The following NPHP4 variants were observed in gnomAD, a reference collection of about 807,000 sequenced individuals.
The protein encoded by NPHP4 is nephrocystin-4.
Under a neutral mutation model 155.8 loss-of-function variants are expected in NPHP4, and 151 were observed. The observed-to-expected ratio is 0.97, with a 90% CI of 0.85 to 1.11. NPHP4 has a LOEUF of 1.11. Ranked by LOEUF, NPHP4 falls within the 50% of genes least tolerant of loss-of-function variation. The pLI, the probability that NPHP4 is intolerant of heterozygous loss-of-function variation, is 0.00. For missense variants in NPHP4, 1,956 were observed against 1,925.7 expected (o/e 1.02, Z -0.29); for synonymous variants, 845 against 816.8 (o/e 1.03, Z -0.59).
At position 5,864,813 on chromosome 1, in the gene NPHP4, C is replaced by G. The variant is rs114586012; in HGVS notation, c.3816+289G>C. ...AGCTGGTGGCACCAGGGGCCGCCCT[C>G]CCACCCCGTCTAACTGTGGCTTCAC... On this transcript the variant is annotated intron_variant, in intron 27 of 29. Coordinates refer to ENST00000378156, the MANE Select transcript of NPHP4 (RefSeq NM_015102.5). 1,287 of 540,388 alleles carry G rather than the reference C, an allele frequency of 2.4e-3. 20 individuals carry two copies. The highest frequency in any genetic ancestry group is 0.022 in the African/African-American group (1,184 of 53,194). 33.5% of individuals were successfully genotyped at this position (540,388 alleles called of 1,614,324 possible). A position where few individuals can be genotyped will look rare whatever the true frequency, so the allele number is the denominator to read the frequency against.
intron 1 of NPHP4, among the ~76,000 whole-genome samples, chr1:5,987,882 C>A (rs1655718398): frequency 6.6e-6 from 1 of 152,182 alleles, no homozygotes; most frequent in Non-Finnish European, 1.5e-5. Context: ...GGGAAAACAA[C>A]TGCAACAAAA....
At chr1:5,895,764 G>A (rs1421910711) in intron 16 of NPHP4, among the ~76,000 whole-genome samples, 2 of 152,198 alleles carry the variant, frequency 1.3e-5, no homozygotes, top group Admixed American at 6.5e-5. Flanking sequence ...CTGAGATAGC[G>A]AAATACTAGA....
intron 11 of NPHP4, among the ~76,000 whole-genome samples, chr1:5,916,095 A>G (rs2101487477): frequency 6.6e-6 from 1 of 152,278 alleles, no homozygotes; most frequent in East Asian, 1.9e-4. Flanking sequence ...AAATTCTGAC[A>G]CCACCAGAGG....
At chr1:5,926,496 G>A (rs571083402) in intron 11 of NPHP4, among the ~76,000 whole-genome samples, 4 of 152,252 alleles carry the variant, frequency 2.6e-5, no homozygotes, top group African/African-American at 7.2e-5. Flanking sequence ...CACTGAACAC[G>A]TACAGACTCT....
intron 16 of NPHP4, among the ~76,000 whole-genome samples, chr1:5,896,788 T>C (rs2101010172): frequency 6.6e-6 from 1 of 152,074 alleles, no homozygotes; most frequent in Middle Eastern, 3.4e-3. Flanking sequence ...AAACGGGCCC[T>C]GGCTGGCGGC....
At chr1:5,969,673 CG>C (rs1652210933) in intron 3 of NPHP4, among the ~76,000 whole-genome samples, 1 of 152,204 alleles carries the variant, frequency 6.6e-6, no homozygotes, top group East Asian at 1.9e-4. Flanking sequence ...CAGCCCAAGA[CG>C]TAACACATCC....
intron 6 of NPHP4, among the ~76,000 whole-genome samples, chr1:5,960,902 T>C (rs1224857635): frequency 1.3e-5 from 2 of 152,126 alleles, no homozygotes; most frequent in Non-Finnish European, 2.9e-5. Context: ...CTCAGGTCAC[T>C]GCACACCCAT....
At chr1:5,868,799 TACATGCACACACATCCACCCAC>T (rs1641588000) in intron 23 of NPHP4, among the ~76,000 whole-genome samples, 2 of 63,370 alleles carry the variant, frequency 3.2e-5, no homozygotes, top group South Asian at 1.0e-3. Context: ...AATGCACACA[TACATGCACACACATCCACCCAC>T]ACATGCACAC....
intron 11 of NPHP4, among the ~76,000 whole-genome samples, chr1:5,912,537 C>CAA (rs752371714): frequency 4.8e-4 from 37 of 77,756 alleles, no homozygotes; most frequent in African/African-American, 1.2e-3. Context: ...GACTCCGTCT[C>CAA]AAAAAAAAAA....
At chr1:5,961,047 A>G (rs1650227961) in intron 6 of NPHP4, among the ~76,000 whole-genome samples, 1 of 152,316 alleles carries the variant, frequency 6.6e-6, no homozygotes, top group Non-Finnish European at 1.5e-5. Flanking sequence ...ACACTATAAC[A>G]TGGATGAACC....
intron 26 of NPHP4, chr1:5,865,530 G>T (rs747588046): frequency 4.7e-6 from 2 of 428,632 alleles, no homozygotes; most frequent in Non-Finnish European, 8.3e-6. Context: ...CTCTCAGGGC[G>T]CAGCAGGGCT....
At chr1:5,866,091 G>T (rs952630775) in intron 26 of NPHP4, 1 of 495,412 alleles carries the variant, frequency 2.0e-6, no homozygotes. Flanking sequence ...CTTCTGGGTG[G>T]CCCTTGCCAC....
intron 6 of NPHP4, among the ~76,000 whole-genome samples, chr1:5,954,010 G>A (rs559246948): frequency 1.1e-4 from 17 of 152,256 alleles, no homozygotes; most frequent in Admixed American, 2.6e-4. Context: ...TGAAACTGCC[G>A]TCAAAAGAGC....
chr1:5,919,105 C>T (rs1423843289), intron 11 of NPHP4, among the ~76,000 whole-genome samples: 1 of 152,174 alleles, frequency 6.6e-6, no homozygotes, highest in African/African-American at 2.4e-5. Flanking sequence ...CTATATATAC[C>T]AGCGGAGATG....
chr1:5,953,563 A>AC (rs1648609726), intron 6 of NPHP4, among the ~76,000 whole-genome samples: 1 of 152,204 alleles, frequency 6.6e-6, no homozygotes, highest in Non-Finnish European at 1.5e-5. Context: ...TGTTACCTTG[A>AC]ACCATCTGCA....
intron 9 of NPHP4, among the ~76,000 whole-genome samples, chr1:5,942,906 C>T (rs1229768057): frequency 6.6e-6 from 1 of 152,218 alleles, no homozygotes; most frequent in African/African-American, 2.4e-5. Context: ...CTTATTCAGA[C>T]ATGAAACGCA....
intron 3 of NPHP4, among the ~76,000 whole-genome samples, chr1:5,971,769 T>C (rs1652615841): frequency 6.6e-6 from 1 of 150,884 alleles, no homozygotes; most frequent in South Asian, 2.1e-4. Flanking sequence ...AAAGGAACAT[T>C]CTCTACATCA....
At chr1:5,885,158 C>G (rs115621845) in intron 18 of NPHP4, among the ~76,000 whole-genome samples, 1 of 148,718 alleles carries the variant, frequency 6.7e-6, no homozygotes, top group African/African-American at 2.5e-5. Flanking sequence ...AGCCGAACCC[C>G]CATCCTACTC....
intron 8 of NPHP4, among the ~76,000 whole-genome samples, chr1:5,947,495 A>G (rs1050555472): frequency 6.6e-6 from 1 of 152,248 alleles, no homozygotes; most frequent in African/African-American, 2.4e-5. Flanking sequence ...CTCCCGCCTC[A>G]GCCTCTCATT....
Sources: allele counts gnomAD v4.1 joint callset (sites outside exome capture counted in the v4.1 genomes callset), GRCh38; gene constraint gnomAD v4.1.1; transcripts MANE v1.5; gene names NCBI Gene and HGNC (gene_info 2026-07-23, HGNC 2026-07-21).